Variants in CDH13 observed in about 807,000 individuals in gnomAD.
The protein encoded by CDH13 is cadherin-13.
CDH13 carries 24 observed loss-of-function variants against 63.8 expected under a neutral mutation model. The observed-to-expected ratio is 0.38, with a 90% CI of 0.27 to 0.53. The LOEUF (loss-of-function observed/expected upper bound fraction) is 0.53. CDH13 is among the 20% of genes least tolerant of loss of function. The probability of loss-of-function intolerance (pLI) is 0.85; values close to 1 mark genes in which losing one functional copy is unlikely to be tolerated. For synonymous variants in CDH13, 503 were observed against 355.3 expected, an observed-to-expected ratio of 1.42 and a Z score of -4.67; for missense variants, 1,049 against 903.1, an observed-to-expected ratio of 1.16 and a Z score of -2.07.
At chr16:83,425,363 C>T (rs903011236) in intron 6 of CDH13, among the ~76,000 whole-genome samples, 40 of 152,232 alleles carry the variant, frequency 2.6e-4, no homozygotes, top group Non-Finnish European at 1.8e-4. Context: ...AAGGAGAGCC[C>T]AGTTCTGGAA....
intron 10 of CDH13, among the ~76,000 whole-genome samples, chr16:83,735,096 A>G (rs1472276371): frequency 6.6e-6 from 1 of 152,172 alleles, no homozygotes; most frequent in Non-Finnish European, 1.5e-5. Flanking sequence ...TATAAGTTTA[A>G]CCCCAATAAT....
chr16:83,469,219 T>G (rs1389497956), intron 6 of CDH13, among the ~76,000 whole-genome samples: 1 of 152,158 alleles, frequency 6.6e-6, no homozygotes, highest in Non-Finnish European at 1.5e-5. Flanking sequence ...GACTTGCAAA[T>G]AGAGCCTGAA....
At chr16:82,941,498 G>A (rs940562660) in intron 2 of CDH13, among the ~76,000 whole-genome samples, 1 of 152,194 alleles carries the variant, frequency 6.6e-6, no homozygotes, top group Admixed American at 6.5e-5. Context: ...CACAATCCAC[G>A]TGTAGAAAAT....
intron 10 of CDH13, among the ~76,000 whole-genome samples, chr16:83,698,686 C>G (rs1429643396): frequency 2.6e-5 from 4 of 152,226 alleles, no homozygotes; most frequent in South Asian, 2.1e-4. Context: ...GGTTTGCTAA[C>G]AAGCCGGGTC....
intron 1 of CDH13, among the ~76,000 whole-genome samples, chr16:82,799,990 C>G (rs903868693): frequency 7.2e-5 from 11 of 152,182 alleles, no homozygotes; most frequent in African/African-American, 2.2e-4. Context: ...GATCTATTTT[C>G]TAAGCAGATG....
At chr16:83,694,687 A>C (rs1346937979) in intron 10 of CDH13, among the ~76,000 whole-genome samples, 1 of 152,222 alleles carries the variant, frequency 6.6e-6, no homozygotes, top group Non-Finnish European at 1.5e-5. Context: ...GCAGGGCATG[A>C]AGAGCCAAGA....
In CDH13 at chr16:82,816,988, C is replaced by T. The variant is rs190441161; in HGVS notation, c.46-41374C>T. Among the ~76,000 whole-genome samples, 12 of 152,150 alleles carry T rather than the reference C, an allele frequency of 7.9e-5. No individual in the cohort carries two copies. The East Asian group carries it at 2.3e-3, about 29-fold the overall frequency. ...AAAACAGAGACTTTTTACAGGGTCTCCCTTAGGAAAGGGAGCTATCCCTTA... is the reference window on the plus strand; with the variant it reads ...AAAACAGAGACTTTTTACAGGGTCTTCCTTAGGAAAGGGAGCTATCCCTTA... On this transcript the variant is annotated intron_variant, in intron 1 of 13. Transcript: ENST00000567109.
intron 6 of CDH13, among the ~76,000 whole-genome samples, chr16:83,405,395 A>T (rs1219946737): frequency 3.3e-5 from 5 of 152,186 alleles, no homozygotes; most frequent in South Asian, 2.1e-4. Flanking sequence ...CGCCCAATGT[A>T]ACCACAAGGG....
chr16:83,760,822 C>A (rs923730577), intron 11 of CDH13, among the ~76,000 whole-genome samples: 6 of 152,178 alleles, frequency 3.9e-5, no homozygotes, highest in Non-Finnish European at 7.3e-5. Flanking sequence ...GTAGCTAGTC[C>A]TGTAACCATT....
At chr16:83,298,529 T>C (rs1179485183) in intron 5 of CDH13, among the ~76,000 whole-genome samples, 1 of 152,182 alleles carries the variant, frequency 6.6e-6, no homozygotes, top group Non-Finnish European at 1.5e-5. Context: ...CTCATTTCCT[T>C]TTGCTGCAGT....
At chr16:83,366,138 C>G (rs974788717) in intron 6 of CDH13, among the ~76,000 whole-genome samples, 1 of 152,132 alleles carries the variant, frequency 6.6e-6, no homozygotes, top group Non-Finnish European at 1.5e-5. Context: ...CTTTTCACAA[C>G]AAAATAACAG....
chr16:82,987,332 A>C (rs72792116), intron 2 of CDH13, among the ~76,000 whole-genome samples: 18,891 of 152,142 alleles, frequency 0.12, 1,371 homozygotes, highest in Middle Eastern at 0.19. Flanking sequence ...CCTCATTGGC[A>C]TGAATCAGCC....
At chr16:83,345,962 T>C (rs761800320) in intron 6 of CDH13, among the ~76,000 whole-genome samples, 1 of 152,106 alleles carries the variant, frequency 6.6e-6, no homozygotes, top group Non-Finnish European at 1.5e-5. Flanking sequence ...GACATGTAGA[T>C]ACATGAGGCT....
chr16:83,671,045 A>G (rs953280460), intron 9 of CDH13, 73 bp downstream of exon 9: 14 of 1,326,846 alleles, frequency 1.1e-5, no homozygotes, highest in African/African-American at 1.5e-5. Flanking sequence ...TCATAGAATC[A>G]TTGAGTTTAG....
chr16:83,690,580 G>T (rs1364472840), intron 10 of CDH13, among the ~76,000 whole-genome samples: 3 of 152,060 alleles, frequency 2.0e-5, no homozygotes, highest in Non-Finnish European at 4.4e-5. Flanking sequence ...AGGAAAGGGG[G>T]CAATTAAGGG....
chr16:83,633,823 C>A (rs991215949), intron 8 of CDH13, among the ~76,000 whole-genome samples: 4 of 152,136 alleles, frequency 2.6e-5, no homozygotes, highest in African/African-American at 9.7e-5. Context: ...CCATCATAAA[C>A]AAGGTATCCC....
At chr16:83,005,309 A>G (rs1188653159) in intron 2 of CDH13, among the ~76,000 whole-genome samples, 1 of 152,184 alleles carries the variant, frequency 6.6e-6, no homozygotes, top group Non-Finnish European at 1.5e-5. Context: ...CTACCAAAGC[A>G]TAGGAACTCC....
intron 3 of CDH13, among the ~76,000 whole-genome samples, chr16:83,111,331 C>G (rs979624293): frequency 1.6e-4 from 24 of 152,050 alleles, no homozygotes; most frequent in African/African-American, 5.6e-4. Context: ...CAGTGAGAAT[C>G]TAGAGAGAAA....
At chr16:83,565,344 C>G (rs562426932) in intron 7 of CDH13, among the ~76,000 whole-genome samples, 2 of 151,694 alleles carry the variant, frequency 1.3e-5, no homozygotes, top group East Asian at 3.9e-4. Context: ...CAACCCTGAC[C>G]TCACATGCCC....
Sources: allele counts gnomAD v4.1 joint callset (sites outside exome capture counted in the v4.1 genomes callset), GRCh38; gene constraint gnomAD v4.1.1; transcripts MANE v1.5; gene names NCBI Gene and HGNC (gene_info 2026-07-23, HGNC 2026-07-21).